PINX1: variants seen among roughly 807,000 people sequenced by gnomAD.
The protein encoded by PINX1 is PIN2 (TERF1) interacting telomerase inhibitor 1, also known as PIN2/TERF1-interacting telomerase inhibitor 1.
Under a neutral mutation model 25.4 loss-of-function variants are expected in PINX1, and 34 were observed. The observed-to-expected ratio is 1.34, with a 90% CI of 1.02 to 1.78. The LOEUF is 1.78. PINX1 is among the 40% of genes most tolerant of loss of function. The pLI, the probability that PINX1 is intolerant of heterozygous loss-of-function variation, is 0.00. For synonymous variants in PINX1, 197 were observed against 147.7 expected (o/e 1.33, Z -2.42); for missense variants, 592 against 404.9 (o/e 1.46, Z -3.97).
intron 6 of PINX1, among the ~76,000 whole-genome samples, chr8:10,785,910 C>A (rs182739684): frequency 2.6e-5 from 4 of 152,270 alleles, no homozygotes; most frequent in Non-Finnish European, 4.4e-5. Flanking sequence ...GTTTGTTACC[C>A]TGAAAATCAA....
At chr8:10,839,660 G>C in intron 1 of PINX1, 78 bp downstream of exon 1, 4 of 1,467,848 alleles carry the variant, frequency 2.7e-6, no homozygotes, top group Non-Finnish European at 2.8e-6. Flanking sequence ...CGAGCTCCCA[G>C]CCACTCCGGG....
intron 2 of PINX1, 96 bp from the exon 3 acceptor site, chr8:10,833,080 TTC>T (rs1247695111): frequency 5.8e-6 from 4 of 692,780 alleles, no homozygotes; most frequent in Non-Finnish European, 9.7e-6. Flanking sequence ...ACGGCAGGTG[TTC>T]TGAGTTGATG....
chr8:10,832,247 G>A (rs2129089930), intron 3 of PINX1, among the ~76,000 whole-genome samples: 1 of 152,256 alleles, frequency 6.6e-6, no homozygotes, highest in East Asian at 1.9e-4. Context: ...GAATCGATGA[G>A]TTCCCATTTG....
At chr8:10,804,361 G>A (rs1802368616) in intron 6 of PINX1, among the ~76,000 whole-genome samples, 1 of 152,200 alleles carries the variant, frequency 6.6e-6, no homozygotes, top group Non-Finnish European at 1.5e-5. Context: ...GCCTGAAAGA[G>A]GCAGCAGCAG....
chr8:10,773,187 G>A (rs1401200344), intron 6 of PINX1, among the ~76,000 whole-genome samples: 2 of 152,104 alleles, frequency 1.3e-5, no homozygotes, highest in African/African-American at 2.4e-5. Flanking sequence ...GGAAGTGGCA[G>A]GTGCTTTTCC....
intron 5 of PINX1, among the ~76,000 whole-genome samples, chr8:10,820,801 T>C (rs909731899): frequency 9.2e-5 from 14 of 152,164 alleles, no homozygotes; most frequent in Non-Finnish European, 1.8e-4. Flanking sequence ...TAAAAGAATA[T>C]ATGTAAATCA....
chr8:10,777,734 T>G (rs1801438542), intron 6 of PINX1, among the ~76,000 whole-genome samples: 1 of 152,242 alleles, frequency 6.6e-6, no homozygotes, highest in Non-Finnish European at 1.5e-5. Context: ...GAGATGTTTT[T>G]ATAAGGACTT....
intron 6 of PINX1, among the ~76,000 whole-genome samples, chr8:10,815,820 T>A (rs1366030765): frequency 5.9e-5 from 9 of 152,132 alleles, no homozygotes; most frequent in Admixed American, 5.9e-4. Context: ...TTTAAAGACA[T>A]CAAATGATTT....
In PINX1 at chr8:10,834,719, C is replaced by A; in HGVS notation, c.76G>T (p.Asp26Tyr). The change falls in exon 2 of 7, where the codon GAT becomes TAT. Residue 26 changes from aspartate (D) to tyrosine (Y), a missense_variant. Physicochemically the swap from Asp to Tyr is radical, Grantham distance 160 (BLOSUM62 -3). Transcript: ENST00000314787. ...DPQNTAWSNDDSKFGQRMLEK... is the reference protein window; with the variant it reads ...DPQNTAWSNDYSKFGQRMLEK... The stretch of plus-strand genomic sequence containing the variant: ...AGCATCCGCTGGCCAAACTTGGAAT[C>A]GTCATTACTCCAGGCAGTGTTCTGA... 6.2e-7 allele frequency: 1 copy of A among 1,613,946 alleles called. No individual in the cohort carries two copies. Among genetic ancestry groups the A allele is most frequent in the African/African-American group, 1.3e-5 (1 of 75,040 alleles).
chr8:10,814,276 T>C (rs1797626361), intron 6 of PINX1, among the ~76,000 whole-genome samples: 1 of 152,084 alleles, frequency 6.6e-6, no homozygotes, highest in African/African-American at 2.4e-5. Context: ...TTATGAGAAG[T>C]TTTCTGAGCA....
rs769705189 is a variant in PINX1 at position 10,765,396 on chromosome 8, A to C, written c.*5T>G. 6.3e-7 allele frequency: 1 copy of C among 1,590,960 alleles called. No homozygotes were observed. The highest frequency in any genetic ancestry group is 1.1e-5 in the South Asian group (1 of 88,110). On this transcript the variant is annotated 3_prime_UTR_variant, in exon 7 of 7. Coordinates refer to ENST00000314787, the MANE Select transcript of PINX1 (RefSeq NM_017884.6). The stretch of plus-strand genomic sequence containing the variant: ...AGTGGTCGGAAGGCCCCGGCTGGGA[A>C]GGATTCATTTGGAATCTTTCTTCTT...
chr8:10,793,790 A>G lies in PINX1; in HGVS notation c.471+26403T>C, dbSNP rs552635912. Reference sequence around the variant, plus strand: ...CAGGGATCTCTGTCAAAGCAGCAACATGAATACACTTAATGCTGTTGTAAC... The same window carrying G: ...CAGGGATCTCTGTCAAAGCAGCAACGTGAATACACTTAATGCTGTTGTAAC... On this transcript the variant is annotated intron_variant, in intron 6 of 6. Transcript: ENST00000314787. Among the ~76,000 whole-genome samples, 21 of 152,362 alleles carry G rather than the reference A, an allele frequency of 1.4e-4. No homozygotes were observed. In the East Asian group the frequency reaches 3.3e-3, roughly 24 times the overall value.
At chr8:10,839,672 T>A in intron 1 of PINX1, 66 bp downstream of exon 1, 1 of 1,531,734 alleles carries the variant, frequency 6.5e-7, no homozygotes, top group Non-Finnish European at 8.9e-7. Flanking sequence ...CACTCCGGGC[T>A]GCCGTGCGCG....
chr8:10,813,784 G>C (rs941321577), intron 6 of PINX1, among the ~76,000 whole-genome samples: 1 of 151,898 alleles, frequency 6.6e-6, no homozygotes, highest in Non-Finnish European at 1.5e-5. Flanking sequence ...AAGTGAGAAT[G>C]CTGGTAACAC....
At position 10,814,877 on chromosome 8, in the gene PINX1, C is replaced by G. The variant is rs369902668; in HGVS notation, c.471+5316G>C. On this transcript the variant is annotated intron_variant, in intron 6 of 6. Transcript: ENST00000314787. ...GAACAAAAATCCTCTCTAAGGTGTT[C>G]GCTAGCCAGTGTATGCCACAAATGA... Among the ~76,000 whole-genome samples the G allele has an allele frequency of 5.9e-5, 9 of 152,306 alleles. No homozygotes were observed. The East Asian group carries it at 1.4e-3, about 23-fold the overall frequency.
intron 6 of PINX1, among the ~76,000 whole-genome samples, chr8:10,808,648 C>G (rs979889185): frequency 6.6e-6 from 1 of 152,084 alleles, no homozygotes; most frequent in Non-Finnish European, 1.5e-5. Flanking sequence ...CTGATAGAGC[C>G]AAGATTTTAA....
intron 6 of PINX1, among the ~76,000 whole-genome samples, chr8:10,804,696 G>T (rs991309745): frequency 1.3e-5 from 2 of 151,246 alleles, no homozygotes; most frequent in African/African-American, 4.9e-5. Flanking sequence ...GAAAAAGCAA[G>T]ATGAATGCTG....
At chr8:10,811,962 G>C (rs1797536725) in intron 6 of PINX1, among the ~76,000 whole-genome samples, 1 of 152,140 alleles carries the variant, frequency 6.6e-6, no homozygotes, top group South Asian at 2.1e-4. Context: ...TGGAATGAGA[G>C]GTATCACTGA....
chr8:10,766,797 C>G (rs1487136086), intron 6 of PINX1, among the ~76,000 whole-genome samples: 1 of 152,130 alleles, frequency 6.6e-6, no homozygotes, highest in Non-Finnish European at 1.5e-5. Context: ...TCTAAAAGTA[C>G]ATTTTGCTGT....
Sources: allele counts gnomAD v4.1 joint callset (sites outside exome capture counted in the v4.1 genomes callset), GRCh38; gene constraint gnomAD v4.1.1; transcripts MANE v1.5; gene names NCBI Gene and HGNC (gene_info 2026-07-23, HGNC 2026-07-21).